Variants in NUP210L observed in about 807,000 individuals in gnomAD.
NUP210L encodes nuclear pore membrane glycoprotein 210-like.
In NUP210L, 74 loss-of-function variants were observed where a neutral mutation model predicts 208.5. The ratio of observed to expected loss-of-function variants is 0.35; its 90% CI spans 0.29 to 0.43. The LOEUF is 0.43. Among genes scored for constraint, NUP210L ranks in the 20% least tolerant of loss-of-function variants. NUP210L has a pLI of 1.00. For synonymous variants in NUP210L, 780 were observed against 816.9 expected (o/e 0.95, Z 0.77); for missense variants, 1,843 against 2,289.4 (o/e 0.81, Z 3.98).
At chr1:154,007,197 A>G (rs984392385) in intron 35 of NUP210L, among the ~76,000 whole-genome samples, 1 of 148,282 alleles carries the variant, frequency 6.7e-6, no homozygotes, top group Non-Finnish European at 1.5e-5. Flanking sequence ...TCCTGACCTC[A>G]AGTGATCTGC....
At position 154,116,209 on chromosome 1, in the gene NUP210L, C is replaced by T. The variant is rs145118931; in HGVS notation, c.1620+1516G>A. Among the ~76,000 whole-genome samples the T allele has an allele frequency of 3.3e-3, 487 of 147,876 alleles. 2 individuals carry two copies. The highest frequency in any genetic ancestry group is 0.012 in the African/African-American group (469 of 40,004). On this transcript the variant is annotated intron_variant, in intron 12 of 39. Coordinates refer to ENST00000368559, the Ensembl canonical transcript of NUP210L. Reference sequence around the variant, plus strand: ...GGCAGAGCTTGCAGTGAGCCAAGATCGCACCACTGCACTCCAGCCTTGGCG... The same window carrying T: ...GGCAGAGCTTGCAGTGAGCCAAGATTGCACCACTGCACTCCAGCCTTGGCG...
chr1:154,137,527 G>A (rs1328115860), intron 6 of NUP210L, among the ~76,000 whole-genome samples: 1 of 149,588 alleles, frequency 6.7e-6, no homozygotes, highest in African/African-American at 2.5e-5. Flanking sequence ...CTCCAGCCTG[G>A]GTGACAGAGA....
intron 16 of NUP210L, among the ~76,000 whole-genome samples, chr1:154,085,325 C>T (rs548599179): frequency 2.0e-5 from 3 of 149,686 alleles, no homozygotes; most frequent in South Asian, 2.1e-4. Flanking sequence ...ACTCCAGCCT[C>T]AGCGACAGAG....
intron 1 of NUP210L, among the ~76,000 whole-genome samples, chr1:154,154,411 AC>A (rs1659583146): frequency 6.6e-6 from 1 of 152,044 alleles, no homozygotes; most frequent in African/African-American, 2.4e-5. Context: ...GGACCCTCGC[AC>A]CCCAAGTTTT....
chr1:154,085,191 CA>C (rs112021292), intron 16 of NUP210L, among the ~76,000 whole-genome samples: 39,750 of 143,788 alleles, frequency 0.28, 5,655 homozygotes, highest in Admixed American at 0.38. Context: ...ACTAAAAATA[CA>C]AAAAAAAAAT....
At chr1:153,994,937 G>A (rs1355231440) in intron 38 of NUP210L, 139 bp downstream of exon 38, 15 of 534,886 alleles carry the variant, frequency 2.8e-5, no homozygotes, top group African/African-American at 3.9e-5. Context: ...GCTTGAACTC[G>A]GGCGGCAGAG....
At chr1:154,107,850 A>G (rs539194881) in intron 12 of NUP210L, among the ~76,000 whole-genome samples, 3 of 152,252 alleles carry the variant, frequency 2.0e-5, no homozygotes, top group Non-Finnish European at 1.5e-5. Context: ...TGGGTGACAG[A>G]GTGAGATGTG....
chr1:154,146,727 T>A (rs1659135186), intron 2 of NUP210L, among the ~76,000 whole-genome samples: 1 of 151,212 alleles, frequency 6.6e-6, no homozygotes, highest in Non-Finnish European at 1.5e-5. Context: ...AGTATCTCCC[T>A]CAAATATTTA....
rs986058029 is a variant in NUP210L, at chr1:154,052,432, C to T, written c.3483+1796G>A. On this transcript the variant is annotated intron_variant, in intron 25 of 39. Transcript: ENST00000368559. ...CACCCGTCGAACACAGCCACCTACC[C>T]GGGGACAGATCAAGAAGCTGTCAAA... 7.2e-5 allele frequency among the ~76,000 whole-genome samples: 11 copies of T among 152,054 alleles called. No homozygotes were observed. In the South Asian group the frequency reaches 8.3e-4, roughly 11 times the overall value.
intron 38 of NUP210L, 138 bp from the exon 39 acceptor site, chr1:153,993,227 T>TA (rs1649581488): frequency 6.7e-6 from 4 of 594,142 alleles, no homozygotes; most frequent in South Asian, 5.3e-5. Context: ...AGGAAGTTTT[T>TA]ATCCCAATTT....
chr1:154,121,444 A>C (rs961434056), intron 10 of NUP210L, among the ~76,000 whole-genome samples: 2 of 152,184 alleles, frequency 1.3e-5, no homozygotes, highest in Non-Finnish European at 2.9e-5. Context: ...CCCCTTCTGT[A>C]GTCCCCATTA....
intron 13 of NUP210L, among the ~76,000 whole-genome samples, 166 bp from the exon 14 acceptor site, chr1:154,100,309 G>A (rs1656394530): frequency 1.3e-5 from 2 of 151,690 alleles, no homozygotes; most frequent in African/African-American, 2.4e-5. Flanking sequence ...AAATTAGCCA[G>A]GCATGGTGGC....
chr1:154,136,765 A>G (rs1441853744), intron 6 of NUP210L, among the ~76,000 whole-genome samples: 2 of 150,294 alleles, frequency 1.3e-5, no homozygotes, highest in Non-Finnish European at 3.0e-5. Context: ...CTAAAAATGC[A>G]AAAAATTAGC....
intron 30 of NUP210L, among the ~76,000 whole-genome samples, 183 bp downstream of exon 30, chr1:154,025,355 CTTTT>C (rs11326284): frequency 1.6e-5 from 2 of 125,852 alleles, no homozygotes; most frequent in Non-Finnish European, 3.2e-5. Flanking sequence ...TCTTCTTCTC[CTTTT>C]TTTTTTTTTT....
At chr1:154,043,739 G>A (rs1462083728) in intron 27 of NUP210L, among the ~76,000 whole-genome samples, 2 of 149,248 alleles carry the variant, frequency 1.3e-5, no homozygotes, top group Non-Finnish European at 3.0e-5. Context: ...CCATTCTTCT[G>A]CTTCCGCCTC....
At chr1:154,147,437 A>C (rs184354089) in intron 2 of NUP210L, among the ~76,000 whole-genome samples, 8 of 152,172 alleles carry the variant, frequency 5.3e-5, no homozygotes, top group Non-Finnish European at 1.0e-4. Context: ...TCCTGGACTC[A>C]AGCAATCCTC....
At chr1:154,095,306 T>G (rs544382935) in intron 14 of NUP210L, 150 bp from the exon 15 acceptor site, 1 of 643,268 alleles carries the variant, frequency 1.6e-6, no homozygotes, top group African/African-American at 1.8e-5. Context: ...TCACTTGGAA[T>G]GCTTCTCAAC....
At chr1:154,124,812 T>C (rs1237373553) in intron 10 of NUP210L, among the ~76,000 whole-genome samples, 2 of 151,564 alleles carry the variant, frequency 1.3e-5, no homozygotes, top group East Asian at 3.9e-4. Flanking sequence ...ATTAGCTGGG[T>C]GTGGTGGCAC....
chr1:154,005,178 A>T (rs929909156), intron 35 of NUP210L, among the ~76,000 whole-genome samples: 5 of 151,040 alleles, frequency 3.3e-5, no homozygotes, highest in African/African-American at 1.2e-4. Flanking sequence ...TATCCATTCT[A>T]CATACTGCCA....
Sources: allele counts gnomAD v4.1 joint callset (sites outside exome capture counted in the v4.1 genomes callset), GRCh38; gene constraint gnomAD v4.1.1; transcripts MANE v1.5; gene names NCBI Gene and HGNC (gene_info 2026-07-23, HGNC 2026-07-21).